Variants in LRRC3B observed in about 807,000 individuals in gnomAD.
LRRC3B encodes the protein leucine-rich repeat-containing protein 3B.
Under a neutral mutation model 12.8 loss-of-function variants are expected in LRRC3B, and 2 were observed. The ratio of observed to expected loss-of-function variants is 0.16; its 90% CI spans 0.06 to 0.49. The LOEUF (loss-of-function observed/expected upper bound fraction) is 0.49, where lower values mean the gene tolerates loss of function less well. Among genes scored for constraint, LRRC3B ranks in the 20% least tolerant of loss-of-function variants. The pLI is 0.96. For synonymous variants in LRRC3B, 132 were observed against 122.0 expected (o/e 1.08, Z -0.54); for missense variants, 189 against 319.4 (o/e 0.59, Z 3.11).
At chr3:26,680,026 C>T (rs924859293) in intron 1 of LRRC3B, among the ~76,000 whole-genome samples, 1 of 152,160 alleles carries the variant, frequency 6.6e-6, no homozygotes, top group Non-Finnish European at 1.5e-5. Context: ...CTAAGCAAAG[C>T]GATTCAAACT....
At chr3:26,636,974 C>CTTTCTTTCTTTCTT (rs1193566862) in intron 1 of LRRC3B, among the ~76,000 whole-genome samples, 8 of 112,264 alleles carry the variant, frequency 7.1e-5, no homozygotes, top group Admixed American at 1.0e-4. Context: ...TTCTTTCTTT[C>CTTTCTTTCTTTCTT]TCTCTCTCTC....
chr3:26,644,835 A>T (rs1418996043), intron 1 of LRRC3B, among the ~76,000 whole-genome samples: 1 of 152,322 alleles, frequency 6.6e-6, no homozygotes, highest in East Asian at 1.9e-4. Flanking sequence ...AAGTATATCA[A>T]TGTCTACAAC....
Position 26,657,941 on chromosome 3 carries a change from A to G in LRRC3B, c.-161+34704A>G, listed in dbSNP as rs535950035. On this transcript the variant is annotated intron_variant, in intron 1 of 1. Transcript: ENST00000396641. ...TAAATACCAAGAGATATAAGAGAAA[A>G]TCAGTGAGAGATTGGATACCTTTAG... Among the ~76,000 whole-genome samples the G allele has an allele frequency of 6.3e-4, 96 of 152,304 alleles. No homozygotes were observed. The Middle Eastern group carries it at 0.017, about 27-fold the overall frequency.
chr3:26,657,887 C>T (rs935828559), intron 1 of LRRC3B, among the ~76,000 whole-genome samples: 5 of 152,096 alleles, frequency 3.3e-5, no homozygotes, highest in African/African-American at 1.2e-4. Flanking sequence ...GCAGGTGAGG[C>T]CGCATCTGCC....
chr3:26,629,199 C>G (rs756765717), intron 1 of LRRC3B, among the ~76,000 whole-genome samples: 1 of 146,538 alleles, frequency 6.8e-6, no homozygotes, highest in African/African-American at 2.5e-5. Flanking sequence ...TCCCTCCCTG[C>G]GTCCTTCCTT....
chr3:26,708,338 G>T (rs1260719238), intron 1 of LRRC3B, among the ~76,000 whole-genome samples: 3 of 152,230 alleles, frequency 2.0e-5, no homozygotes, highest in Non-Finnish European at 2.9e-5. Context: ...AGATAGGGCT[G>T]CAACATAACA....
At chr3:26,685,523 CTATATATATATATATATA>C (rs57407254) in intron 1 of LRRC3B, among the ~76,000 whole-genome samples, 1,559 of 38,314 alleles carry the variant, frequency 0.041, 58 homozygotes, top group South Asian at 0.13. Context: ...CTCTCTCTCT[CTATATATATATATATATA>C]TATATATATA....
At chr3:26,645,258 T>C (rs1403906711) in intron 1 of LRRC3B, among the ~76,000 whole-genome samples, 4 of 152,214 alleles carry the variant, frequency 2.6e-5, no homozygotes, top group African/African-American at 7.2e-5. Flanking sequence ...TAAAATTTTT[T>C]GAGCCTACTA....
intron 1 of LRRC3B, among the ~76,000 whole-genome samples, chr3:26,637,251 T>G (rs1455691852): frequency 6.6e-6 from 1 of 151,990 alleles, no homozygotes; most frequent in African/African-American, 2.4e-5. Context: ...GTGAGGGAAA[T>G]GGCATCAGTA....
At chr3:26,674,759 C>A (rs146352242) in intron 1 of LRRC3B, among the ~76,000 whole-genome samples, 34 of 152,286 alleles carry the variant, frequency 2.2e-4, no homozygotes, top group African/African-American at 7.5e-4. Context: ...TAAAAATGAA[C>A]TCATCCTTGC....
intron 1 of LRRC3B, among the ~76,000 whole-genome samples, chr3:26,680,461 A>C (rs1032342313): frequency 3.9e-5 from 6 of 152,236 alleles, no homozygotes; most frequent in African/African-American, 1.4e-4. Context: ...ACAAGCAAAG[A>C]AAGACTGTAA....
intron 1 of LRRC3B, among the ~76,000 whole-genome samples, chr3:26,667,930 T>C (rs1457027375): frequency 2.0e-5 from 3 of 151,890 alleles, no homozygotes; most frequent in African/African-American, 4.8e-5. Context: ...TTTATTTTTT[T>C]ATTTTATTAT....
intron 1 of LRRC3B, among the ~76,000 whole-genome samples, chr3:26,662,652 C>T (rs17018526): frequency 0.21 from 32,538 of 151,962 alleles, 3,844 homozygotes; most frequent in East Asian, 0.33. Context: ...TTTATTCAAG[C>T]TGGGATTTGA....
chr3:26,638,537 G>T (rs1419192124), intron 1 of LRRC3B, among the ~76,000 whole-genome samples: 1 of 152,170 alleles, frequency 6.6e-6, no homozygotes, highest in Non-Finnish European at 1.5e-5. Flanking sequence ...AATACCTGAT[G>T]ATGTGGAAAA....
At chr3:26,708,455 A>T (rs572736428) in intron 1 of LRRC3B, among the ~76,000 whole-genome samples, 12 of 152,266 alleles carry the variant, frequency 7.9e-5, no homozygotes, top group Admixed American at 3.9e-4. Context: ...ATGAGTCAGA[A>T]CAAAGACTTT....
At chr3:26,672,572 G>A (rs1276849173) in intron 1 of LRRC3B, among the ~76,000 whole-genome samples, 1 of 152,140 alleles carries the variant, frequency 6.6e-6, no homozygotes, top group African/African-American at 2.4e-5. Flanking sequence ...TCTGCTCCCA[G>A]CCTCCAACCT....
intron 1 of LRRC3B, among the ~76,000 whole-genome samples, chr3:26,667,408 G>A (rs891080225): frequency 1.3e-5 from 2 of 152,154 alleles, no homozygotes; most frequent in Non-Finnish European, 2.9e-5. Flanking sequence ...CATTTACAGA[G>A]ACTTAAAGAA....
chr3:26,685,488 T>TCC (rs1386709913), intron 1 of LRRC3B, among the ~76,000 whole-genome samples: 22 of 38,796 alleles, frequency 5.7e-4, no homozygotes, highest in African/African-American at 2.4e-3. Flanking sequence ...ACTCTCTCCC[T>TCC]CTCTCTCTCT....
At chr3:26,705,529 G>A (rs1474695441) in intron 1 of LRRC3B, among the ~76,000 whole-genome samples, 1 of 151,974 alleles carries the variant, frequency 6.6e-6, no homozygotes. Flanking sequence ...TGCTGTTGCT[G>A]TTTTTGCCAT....
Sources: gnomAD v4.1 joint callset for allele counts (sites outside exome capture counted in the v4.1 genomes callset) on GRCh38, gnomAD v4.1.1 for gene constraint, MANE v1.5 for transcripts, NCBI Gene and HGNC (gene_info 2026-07-23, HGNC 2026-07-21) for gene names.